Variants in RARB observed in about 807,000 individuals in gnomAD.
RARB encodes the protein HBV-activated protein.
A neutral mutation model predicts 51.9 loss-of-function variants in RARB; 17 were observed. The observed-to-expected ratio is 0.33, with a 90% CI of 0.22 to 0.49. The LOEUF is 0.49. Ranked by LOEUF, RARB falls within the 20% of genes least tolerant of loss-of-function variation. RARB has a pLI of 0.99. For missense variants in RARB, 369 were observed against 550.8 expected, an observed-to-expected ratio of 0.67 and a Z score of 3.30; for synonymous variants, 215 against 195.4, an observed-to-expected ratio of 1.10 and a Z score of -0.84.
chr3:24,834,297 A>C (rs1037168600), intron 1 of RARB, among the ~76,000 whole-genome samples: 5 of 152,232 alleles, frequency 3.3e-5, no homozygotes, highest in African/African-American at 1.2e-4. Context: ...TCTACCACTA[A>C]AAAAGAGCAA....
intron 4 of RARB, among the ~76,000 whole-genome samples, chr3:25,576,465 C>G (rs1700936522): frequency 6.6e-6 from 1 of 152,158 alleles, no homozygotes; most frequent in Admixed American, 6.5e-5. Context: ...ACCCACCACC[C>G]CACCCCTGCA....
chr3:25,345,066 T>C (rs1043386039), intron 5 of RARB, among the ~76,000 whole-genome samples: 2 of 152,238 alleles, frequency 1.3e-5, no homozygotes, highest in African/African-American at 4.8e-5. Context: ...TGCTGAAGTT[T>C]GGATTGTTTG....
At chr3:24,914,009 A>AGGT (rs1229848863) in intron 2 of RARB, among the ~76,000 whole-genome samples, 6 of 152,242 alleles carry the variant, frequency 3.9e-5, no homozygotes, top group African/African-American at 1.4e-4. Flanking sequence ...CAGATGCAAA[A>AGGT]GGTAGCCACA....
chr3:25,037,533 C>T (rs1431205325), intron 2 of RARB, among the ~76,000 whole-genome samples: 1 of 152,024 alleles, frequency 6.6e-6, no homozygotes. Context: ...AATGGATTGA[C>T]CTAGGAGAGT....
chr3:25,390,389 T>C lies in RARB; in HGVS notation c.179-70804T>C, dbSNP rs142782730. Among the ~76,000 whole-genome samples, 52 of 152,292 alleles carry C rather than the reference T, an allele frequency of 3.4e-4. No homozygotes were observed. The East Asian group carries it at 8.9e-3, about 26-fold the overall frequency. On this transcript the variant is annotated intron_variant, in intron 5 of 11. Transcript: ENST00000383772. Reference sequence around the variant, plus strand: ...AGAAGTCCTCACCGGACACTGGATCTGCCAACACCTTGATCTGGGACTTCC... The same window carrying C: ...AGAAGTCCTCACCGGACACTGGATCCGCCAACACCTTGATCTGGGACTTCC...
At chr3:24,862,795 A>G (rs1317742044) in intron 2 of RARB, among the ~76,000 whole-genome samples, 1 of 152,200 alleles carries the variant, frequency 6.6e-6, no homozygotes, top group Non-Finnish European at 1.5e-5. Context: ...ACTGTACTGT[A>G]TCTGTGGTAC....
At chr3:25,577,077 A>G (rs1700966013) in intron 4 of RARB, among the ~76,000 whole-genome samples, 1 of 152,192 alleles carries the variant, frequency 6.6e-6, no homozygotes, top group Non-Finnish European at 1.5e-5. Flanking sequence ...AGGCTTTAGG[A>G]GTCAGGAAGT....
At chr3:25,456,513 G>T (rs1336288787) in intron 1 of RARB, among the ~76,000 whole-genome samples, 3 of 145,534 alleles carry the variant, frequency 2.1e-5, no homozygotes, top group Non-Finnish European at 4.5e-5. Flanking sequence ...TGGCATGTTC[G>T]CCTGAGGCTA....
intron 2 of RARB, among the ~76,000 whole-genome samples, chr3:25,014,171 C>G (rs888445353): frequency 6.6e-6 from 1 of 151,798 alleles, no homozygotes; most frequent in Non-Finnish European, 1.5e-5. Context: ...CAAACATGTT[C>G]TTCACTTTCG....
At chr3:25,516,721 G>T (rs1262131804) in intron 3 of RARB, among the ~76,000 whole-genome samples, 2 of 150,394 alleles carry the variant, frequency 1.3e-5, no homozygotes, top group Admixed American at 1.3e-4. Context: ...CTGCCTCCTG[G>T]GTTCAAGTGA....
At chr3:25,093,019 T>A (rs140382130) in intron 3 of RARB, among the ~76,000 whole-genome samples, 1 of 152,308 alleles carries the variant, frequency 6.6e-6, no homozygotes, top group African/African-American at 2.4e-5. Flanking sequence ...CATCCCTACT[T>A]AGAGCACAGG....
chr3:24,989,532 G>A lies in RARB; in HGVS notation c.-379-70593G>A, dbSNP rs1696866313. On this transcript the variant is annotated intron_variant, in intron 2 of 11. Transcript: ENST00000383772. The stretch of plus-strand genomic sequence containing the variant: ...AAGGTATTTTAATGTTTGCCTGGCT[G>A]CTAGGTTTGAAATATCATCTCCCCT... Among the ~76,000 whole-genome samples the A allele has an allele frequency of 1.8e-5, 2 of 109,190 alleles. 1 individual carries two copies. Among genetic ancestry groups the A allele is most frequent in the East Asian group, 6.0e-4 (2 of 3,358 alleles). The allele number at this position is 109,190 out of a possible 152,430, so 71.6% of individuals were successfully genotyped here. A position where few individuals can be genotyped will look rare whatever the true frequency, so the allele number is the denominator to read the frequency against.
chr3:25,317,467 T>C (rs1460005771), intron 5 of RARB, among the ~76,000 whole-genome samples: 1 of 152,174 alleles, frequency 6.6e-6, no homozygotes, highest in Non-Finnish European at 1.5e-5. Context: ...AGACTTCATA[T>C]CCAGCATTAT....
chr3:25,208,680 T>C (rs1701620142), intron 5 of RARB, among the ~76,000 whole-genome samples: 1 of 152,196 alleles, frequency 6.6e-6, no homozygotes. Flanking sequence ...CTGACAATGC[T>C]GTCTCCTTTT....
intron 2 of RARB, among the ~76,000 whole-genome samples, chr3:24,922,236 TG>T (rs1300327362): frequency 6.6e-6 from 1 of 152,168 alleles, no homozygotes; most frequent in Non-Finnish European, 1.5e-5. Flanking sequence ...GAGATAAAAA[TG>T]GTTGAATGAG....
intron 5 of RARB, among the ~76,000 whole-genome samples, chr3:25,216,814 G>A (rs932352539): frequency 6.6e-6 from 1 of 150,898 alleles, no homozygotes; most frequent in Non-Finnish European, 1.5e-5. Flanking sequence ...AGCTCTTTTA[G>A]TCTATAGTTT....
chr3:25,593,644 C>T lies in RARB; in HGVS notation c.928C>T (p.Leu310=). 1 of 1,614,128 alleles carries T rather than the reference C, an allele frequency of 6.2e-7. No individual in the cohort carries two copies. The highest frequency in any genetic ancestry group is 8.5e-7 in the Non-Finnish European group (1 of 1,179,990). The change falls in exon 6 of 8, where the codon CTG becomes TTG. Residue 310 remains leucine, a synonymous_variant. Transcript: ENST00000330688. ...TGTGTTCACCTTTGCCAACCAGCTC[C>T]TGCCTTTGGAAATGGATGACACAGA... ...DLVFTFANQL[L]PLEMDDTETG...
At chr3:24,988,970 C>A (rs905840954) in intron 2 of RARB, among the ~76,000 whole-genome samples, 6 of 152,234 alleles carry the variant, frequency 3.9e-5, no homozygotes, top group Non-Finnish European at 7.4e-5. Flanking sequence ...GGATTACAGG[C>A]GTGTGCCACC....
At chr3:25,251,875 A>G (rs771968551) in intron 5 of RARB, among the ~76,000 whole-genome samples, 10 of 152,060 alleles carry the variant, frequency 6.6e-5, no homozygotes, top group Admixed American at 6.5e-5. Flanking sequence ...AAAAAGTGCA[A>G]TTTATCAAAT....
Sources: gnomAD v4.1 joint callset for allele counts (sites outside exome capture counted in the v4.1 genomes callset) on GRCh38, gnomAD v4.1.1 for gene constraint, MANE v1.5 for transcripts, NCBI Gene and HGNC (gene_info 2026-07-23, HGNC 2026-07-21) for gene names.